Variants in CNTNAP5 observed in about 807,000 individuals in gnomAD.
CNTNAP5 encodes contactin-associated protein-like 5.
A neutral mutation model predicts 150.2 loss-of-function variants in CNTNAP5; 72 were observed. The ratio of observed to expected loss-of-function variants is 0.48; its 90% CI spans 0.40 to 0.58. The LOEUF (loss-of-function observed/expected upper bound fraction) is 0.58. Ranked by LOEUF, CNTNAP5 falls within the 20% of genes least tolerant of loss-of-function variation. CNTNAP5 has a pLI of 0.00. For missense variants in CNTNAP5, 1,636 were observed against 1,626.2 expected (o/e 1.01, Z -0.10); for synonymous variants, 672 against 619.8 (o/e 1.08, Z -1.25).
chr2:124,309,991 G>T (rs923493810), intron 3 of CNTNAP5, among the ~76,000 whole-genome samples: 1 of 152,050 alleles, frequency 6.6e-6, no homozygotes, highest in African/African-American at 2.4e-5. Flanking sequence ...GCAATGGAAG[G>T]TGGCTAGCTT....
At chr2:124,776,879 T>C (rs1193991392) in intron 17 of CNTNAP5, among the ~76,000 whole-genome samples, 2 of 152,230 alleles carry the variant, frequency 1.3e-5, no homozygotes, top group Non-Finnish European at 2.9e-5. Flanking sequence ...TATAAATCTC[T>C]GATTATGTCT....
intron 8 of CNTNAP5, among the ~76,000 whole-genome samples, chr2:124,513,332 C>T (rs766320888): frequency 6.6e-6 from 1 of 152,142 alleles, no homozygotes; most frequent in Non-Finnish European, 1.5e-5. Context: ...CCATAATTAC[C>T]TTTTTAAAGA....
At chr2:124,241,981 C>T (rs1686898077) in intron 2 of CNTNAP5, among the ~76,000 whole-genome samples, 1 of 152,102 alleles carries the variant, frequency 6.6e-6, no homozygotes, top group African/African-American at 2.4e-5. Flanking sequence ...ATGGAAGATA[C>T]AGCTTCTGGC....
At chr2:124,048,780 T>A (rs899827057) in intron 1 of CNTNAP5, among the ~76,000 whole-genome samples, 2 of 152,204 alleles carry the variant, frequency 1.3e-5, no homozygotes, top group African/African-American at 4.8e-5. Context: ...AACGGGGTCA[T>A]CCAAGGTTAT....
intron 1 of CNTNAP5, among the ~76,000 whole-genome samples, chr2:124,025,974 T>A (rs1680876842): frequency 6.6e-6 from 1 of 152,122 alleles, no homozygotes; most frequent in Admixed American, 6.5e-5. Flanking sequence ...TAAGGAAAGG[T>A]TTCTCTTCCC....
intron 13 of CNTNAP5, among the ~76,000 whole-genome samples, chr2:124,651,783 A>G (rs1040561752): frequency 1.3e-5 from 2 of 152,224 alleles, no homozygotes; most frequent in Non-Finnish European, 2.9e-5. Context: ...CGGAGTTGTC[A>G]GGGTTGCCTG....
intron 19 of CNTNAP5, among the ~76,000 whole-genome samples, chr2:124,857,540 C>T (rs1677404528): frequency 6.6e-6 from 1 of 151,828 alleles, no homozygotes; most frequent in African/African-American, 2.4e-5. Context: ...ATACACCCAA[C>T]TCAGGCCAGG....
intron 1 of CNTNAP5, among the ~76,000 whole-genome samples, chr2:124,049,042 C>T (rs565421989): frequency 6.6e-6 from 1 of 152,238 alleles, no homozygotes; most frequent in African/African-American, 2.4e-5. Flanking sequence ...TAGTGCTTCC[C>T]CCATTTGCTT....
chr2:124,060,417 C>A (rs554869861), intron 1 of CNTNAP5, among the ~76,000 whole-genome samples: 5 of 152,200 alleles, frequency 3.3e-5, no homozygotes, highest in South Asian at 2.1e-4. Flanking sequence ...TGCTCATGGG[C>A]AGCTCCTCTG....
chr2:124,755,514 T>C (rs1234870311), intron 14 of CNTNAP5, among the ~76,000 whole-genome samples: 1 of 152,194 alleles, frequency 6.6e-6, no homozygotes, highest in Non-Finnish European at 1.5e-5. Flanking sequence ...TGGCCAAGTA[T>C]GTCTGAAGGG....
chr2:124,163,272 C>T (rs2104652068), intron 1 of CNTNAP5, among the ~76,000 whole-genome samples: 1 of 152,270 alleles, frequency 6.6e-6, no homozygotes, highest in Non-Finnish European at 1.5e-5. Context: ...TGACCCTCCA[C>T]CCCACCAACA....
chr2:124,263,129 T>C (rs1687504535), intron 3 of CNTNAP5, among the ~76,000 whole-genome samples: 1 of 152,182 alleles, frequency 6.6e-6, no homozygotes, highest in Admixed American at 6.5e-5. Context: ...TGTGCCTTTA[T>C]AACAGCATGA....
intron 19 of CNTNAP5, among the ~76,000 whole-genome samples, chr2:124,811,947 A>AAT (rs200898522): frequency 7.8e-5 from 9 of 115,858 alleles, no homozygotes; most frequent in South Asian, 4.8e-4. Context: ...CATCTCAAAA[A>AAT]ATATATATAT....
intron 1 of CNTNAP5, among the ~76,000 whole-genome samples, chr2:124,160,580 A>G (rs1331550649): frequency 8.5e-5 from 13 of 152,096 alleles, no homozygotes; most frequent in Non-Finnish European, 8.8e-5. Flanking sequence ...AATAAACTAT[A>G]CAAACTGAGC....
At chr2:124,659,418 A>C (rs897074023) in intron 13 of CNTNAP5, among the ~76,000 whole-genome samples, 6 of 152,156 alleles carry the variant, frequency 3.9e-5, no homozygotes, top group Admixed American at 3.3e-4. Context: ...GAAATGTTTT[A>C]GCCTCTGAAT....
intron 10 of CNTNAP5, among the ~76,000 whole-genome samples, chr2:124,560,155 C>T (rs1695854841): frequency 6.6e-6 from 1 of 152,134 alleles, no homozygotes. Context: ...TTAGAGCTTT[C>T]CCCTAAACCC....
At chr2:124,790,434 T>G (rs1681700866) in intron 18 of CNTNAP5, among the ~76,000 whole-genome samples, 2 of 152,214 alleles carry the variant, frequency 1.3e-5, no homozygotes, top group Admixed American at 6.5e-5. Flanking sequence ...GCTAGATTGT[T>G]AGTGAACACA....
chr2:124,625,259 A>G (rs531001994), intron 12 of CNTNAP5, among the ~76,000 whole-genome samples: 123 of 152,264 alleles, frequency 8.1e-4, no homozygotes, highest in African/African-American at 2.8e-3. Flanking sequence ...CCTCATCTGT[A>G]ATGTGGGGGA....
At chr2:124,490,444 G>GAGAA (rs956181335) in intron 7 of CNTNAP5, among the ~76,000 whole-genome samples, 4 of 151,694 alleles carry the variant, frequency 2.6e-5, no homozygotes, top group Non-Finnish European at 5.9e-5. Context: ...GAAAGGGAAA[G>GAGAA]AGAAAGAAAG....
Sources: allele counts gnomAD v4.1 joint callset (sites outside exome capture counted in the v4.1 genomes callset), GRCh38; gene constraint gnomAD v4.1.1; transcripts MANE v1.5; gene names NCBI Gene and HGNC (gene_info 2026-07-23, HGNC 2026-07-21).